Variants in ATP8A2 observed in about 807,000 individuals in gnomAD.
ATP8A2 encodes the protein phospholipid-transporting ATPase IB.
ATP8A2 carries 100 observed loss-of-function variants against 165.6 expected under a neutral mutation model. That is an observed-to-expected ratio of 0.60 (90% CI 0.51 to 0.71). ATP8A2 has a LOEUF of 0.71. Ranked by LOEUF, ATP8A2 falls within the 30% of genes least tolerant of loss-of-function variation. ATP8A2 has a pLI of 0.00. For synonymous variants in ATP8A2, 543 were observed against 548.8 expected (o/e 0.99, Z 0.15); for missense variants, 1,227 against 1,479.5 (o/e 0.83, Z 2.80).
rs556930239 is a variant in ATP8A2 at position 25,468,830 on chromosome 13, G to T, written c.77-147G>T. On this transcript the variant is annotated intron_variant, in intron 1 of 36. Coordinates refer to ENST00000381655, the MANE Select transcript of ATP8A2 (RefSeq NM_016529.6). ...GCGGCACAGGCGGCGGCGTCTCCAG[G>T]GGGAGCCAAGGTACGTAGGCGGCGT... 4,731 of 1,312,068 alleles carry T rather than the reference G, an allele frequency of 3.6e-3. 8 individuals are homozygous for T. The highest frequency in any genetic ancestry group is 4.2e-3 in the Non-Finnish European group (4,374 of 1,031,100). 81.3% of individuals were successfully genotyped at this position (1,312,068 alleles called of 1,614,324 possible).
intron 2 of ATP8A2, among the ~76,000 whole-genome samples, chr13:25,523,267 G>A (rs374594557): frequency 6.8e-6 from 1 of 146,790 alleles, no homozygotes; most frequent in East Asian, 2.0e-4. Context: ...AAGGCTTTAG[G>A]ATAACTTTTT....
chr13:25,772,916 C>A (rs1391175813), intron 26 of ATP8A2, among the ~76,000 whole-genome samples: 1 of 151,894 alleles, frequency 6.6e-6, no homozygotes, highest in Non-Finnish European at 1.5e-5. Context: ...CCCAACACCA[C>A]GTCTGACTAC....
intron 25 of ATP8A2, among the ~76,000 whole-genome samples, chr13:25,751,931 T>C (rs1158067876): frequency 6.7e-6 from 1 of 150,274 alleles, no homozygotes; most frequent in Non-Finnish European, 1.5e-5. Flanking sequence ...TGTCTAAAAT[T>C]GGATGCTACT....
At chr13:25,570,906 C>T (rs2039448700) in intron 17 of ATP8A2, 34 bp downstream of exon 17, 4 of 1,494,904 alleles carry the variant, frequency 2.7e-6, no homozygotes, top group East Asian at 2.3e-5. Context: ...CCTGCTGGCC[C>T]CTTCTCAGGA....
intron 33 of ATP8A2, among the ~76,000 whole-genome samples, chr13:25,915,687 G>A (rs1194986707): frequency 2.0e-5 from 3 of 152,222 alleles, no homozygotes; most frequent in Non-Finnish European, 4.4e-5. Flanking sequence ...GGCCCCTGCA[G>A]GGGTGAGGCA....
chr13:25,405,558 G>A (rs74605454), intron 1 of ATP8A2, among the ~76,000 whole-genome samples: 31 of 152,162 alleles, frequency 2.0e-4, no homozygotes, highest in Non-Finnish European at 4.1e-4. Flanking sequence ...GCTCTCTTGA[G>A]ACCCTAAAGA....
intron 1 of ATP8A2, among the ~76,000 whole-genome samples, chr13:25,394,578 T>C (rs1192903346): frequency 6.6e-6 from 1 of 152,186 alleles, no homozygotes; most frequent in East Asian, 1.9e-4. Flanking sequence ...GCTGGCCGGA[T>C]TGATGACATA....
intron 33 of ATP8A2, among the ~76,000 whole-genome samples, chr13:25,948,164 CCT>C (rs1955261295): frequency 6.6e-6 from 1 of 152,114 alleles, no homozygotes; most frequent in Non-Finnish European, 1.5e-5. Flanking sequence ...AACCCTTCCA[CCT>C]CTCTGAGAGG....
At chr13:25,458,784 C>T (rs185729815) in intron 1 of ATP8A2, among the ~76,000 whole-genome samples, 374 of 152,282 alleles carry the variant, frequency 2.5e-3, no homozygotes, top group African/African-American at 8.7e-3. Context: ...AGGGAGGTCC[C>T]GTTTTCTTGA....
chr13:25,415,498 A>C (rs571014927), intron 1 of ATP8A2, among the ~76,000 whole-genome samples: 2 of 152,198 alleles, frequency 1.3e-5, no homozygotes, highest in Non-Finnish European at 2.9e-5. Flanking sequence ...TGAAGATTTC[A>C]TCAGATCAAA....
chr13:25,512,832 G>A (rs1201601096), intron 2 of ATP8A2, among the ~76,000 whole-genome samples: 2 of 136,456 alleles, frequency 1.5e-5, no homozygotes, highest in Non-Finnish European at 3.2e-5. Flanking sequence ...CGGGCAGAGG[G>A]GCTCCTCACT....
intron 1 of ATP8A2, among the ~76,000 whole-genome samples, chr13:25,397,244 C>T (rs565439423): frequency 1.3e-5 from 2 of 152,316 alleles, no homozygotes; most frequent in Admixed American, 6.5e-5. Context: ...AGACAGTTGT[C>T]CTATAGCACC....
chr13:25,519,702 C>G (rs771975618), intron 2 of ATP8A2, among the ~76,000 whole-genome samples: 3 of 152,136 alleles, frequency 2.0e-5, no homozygotes, highest in Non-Finnish European at 4.4e-5. Flanking sequence ...CAGCTAAAGC[C>G]CCTCCTTGCT....
chr13:25,782,906 A>G (rs1013523796), intron 27 of ATP8A2, among the ~76,000 whole-genome samples: 2 of 151,740 alleles, frequency 1.3e-5, no homozygotes, highest in Non-Finnish European at 2.9e-5. Flanking sequence ...CACCTGGCTA[A>G]TTTTTTGTAT....
chr13:25,747,958 G>T (rs1400075691), intron 25 of ATP8A2, among the ~76,000 whole-genome samples: 3 of 130,806 alleles, frequency 2.3e-5, no homozygotes, highest in Non-Finnish European at 4.9e-5. Context: ...ACATTTATTG[G>T]GTTTTAAAAA....
intron 9 of ATP8A2, 136 bp from the exon 10 acceptor site, chr13:25,543,155 G>T: frequency 1.8e-6 from 1 of 547,374 alleles, no homozygotes; most frequent in Non-Finnish European, 3.3e-6. Context: ...AACCTTTGTT[G>T]TCTGTGTTTC....
In ATP8A2 at chr13:25,837,328, T is replaced by G. The variant is rs760991346; in HGVS notation, c.2877+43T>G. 12 of 1,607,308 alleles carry G rather than the reference T, an allele frequency of 7.5e-6. No individual in the cohort carries two copies. The South Asian group carries it at 1.2e-4, about 16-fold the overall frequency. ...TCAGAACTGTCACCTCAGAAAGGCGTGGCTGTTTGATTCTAGTCATCTGCC... is the reference window on the plus strand; with the variant it reads ...TCAGAACTGTCACCTCAGAAAGGCGGGGCTGTTTGATTCTAGTCATCTGCC... On this transcript the variant is annotated intron_variant, in intron 29 of 36. Transcript: ENST00000381655.
chr13:25,580,910 CCT>C (rs2138238498), intron 22 of ATP8A2, among the ~76,000 whole-genome samples: 1 of 152,184 alleles, frequency 6.6e-6, no homozygotes, highest in East Asian at 1.9e-4. Flanking sequence ...AAAAAATTCT[CCT>C]CTGCTTTTTT....
At chr13:26,014,743 G>A (rs1254736016) in intron 36 of ATP8A2, among the ~76,000 whole-genome samples, 1 of 152,154 alleles carries the variant, frequency 6.6e-6, no homozygotes, top group Non-Finnish European at 1.5e-5. Context: ...AGGCAATATA[G>A]GGTCCAATAA....
Sources: gnomAD v4.1 joint callset for allele counts (sites outside exome capture counted in the v4.1 genomes callset) on GRCh38, gnomAD v4.1.1 for gene constraint, MANE v1.5 for transcripts, NCBI Gene and HGNC (gene_info 2026-07-23, HGNC 2026-07-21) for gene names.